SNX30: variants seen among roughly 807,000 people sequenced by gnomAD.
SNX30 encodes sorting nexin-30.
Under a neutral mutation model 46.4 loss-of-function variants are expected in SNX30, and 24 were observed. The observed-to-expected ratio is 0.52, with a 90% confidence interval of 0.37 to 0.73. The LOEUF (loss-of-function observed/expected upper bound fraction) is 0.73, where lower values mean the gene tolerates loss of function less well. Ranked by LOEUF, SNX30 falls within the 30% of genes least tolerant of loss-of-function variation. The pLI is 0.00. For missense variants in SNX30, 533 were observed against 555.7 expected (o/e 0.96, Z 0.41); for synonymous variants, 189 against 211.5 (o/e 0.89, Z 0.92).
intron 1 of SNX30, among the ~76,000 whole-genome samples, chr9:112,790,096 G>A (rs916892026): frequency 1.3e-5 from 2 of 152,150 alleles, no homozygotes; most frequent in African/African-American, 4.8e-5. Context: ...ATTTGAGATG[G>A]GAATTCCTGG....
chr9:112,769,982 A>C (rs1471832162), intron 1 of SNX30, among the ~76,000 whole-genome samples: 3 of 151,376 alleles, frequency 2.0e-5, no homozygotes, highest in African/African-American at 7.3e-5. Flanking sequence ...ATCACTTCTC[A>C]CTCTCTCCAC....
chr9:112,838,220 A>G (rs1418157690), intron 5 of SNX30, among the ~76,000 whole-genome samples: 2 of 152,132 alleles, frequency 1.3e-5, no homozygotes, highest in Admixed American at 6.5e-5. Context: ...TGTTTGGTGG[A>G]TGTGGCTGCT....
downstream of SNX30, among the ~76,000 whole-genome samples, chr9:112,876,166 A>G (rs1253990197): frequency 1.3e-5 from 2 of 152,166 alleles, no homozygotes; most frequent in African/African-American, 4.8e-5. Flanking sequence ...ATGGGGAGGA[A>G]TAAATTCCAA....
intron 1 of SNX30, among the ~76,000 whole-genome samples, chr9:112,780,753 T>C (rs1351130937): frequency 6.6e-6 from 1 of 152,208 alleles, no homozygotes; most frequent in African/African-American, 2.4e-5. Flanking sequence ...TTGAATTTCA[T>C]AGTAAGATGA....
At chr9:112,828,964 G>A (rs780653056) in intron 3 of SNX30, among the ~76,000 whole-genome samples, 7 of 152,110 alleles carry the variant, frequency 4.6e-5, no homozygotes, top group Admixed American at 1.3e-4. Context: ...GTCTGTCTCT[G>A]TGGGTTTGCC....
At chr9:112,825,211 GTA>G (rs1230679898) in intron 3 of SNX30, among the ~76,000 whole-genome samples, 2 of 152,216 alleles carry the variant, frequency 1.3e-5, no homozygotes, top group Non-Finnish European at 1.5e-5. Context: ...CACTAGAAAT[GTA>G]TGAGGGCCCA....
At chr9:112,770,409 G>A (rs527596026) in intron 1 of SNX30, among the ~76,000 whole-genome samples, 262 of 151,980 alleles carry the variant, frequency 1.7e-3, no homozygotes, top group Non-Finnish European at 3.1e-3. Flanking sequence ...CCGACCTTGT[G>A]ATCTGCCCAC....
intron 8 of SNX30, among the ~76,000 whole-genome samples, chr9:112,865,005 C>A (rs58643876): frequency 0.85 from 122,633 of 144,518 alleles, 51,213 homozygotes; most frequent in Non-Finnish European, 0.9. Flanking sequence ...ACACACACAC[C>A]CACACACCCC....
intron 1 of SNX30, among the ~76,000 whole-genome samples, chr9:112,769,198 G>A (rs1044431817): frequency 3.3e-5 from 5 of 152,134 alleles, no homozygotes; most frequent in Non-Finnish European, 7.4e-5. Flanking sequence ...TCTGTCCTGC[G>A]GATAAACTAG....
chr9:112,772,758 C>T (rs1839672550), intron 1 of SNX30, among the ~76,000 whole-genome samples: 1 of 152,170 alleles, frequency 6.6e-6, no homozygotes, highest in African/African-American at 2.4e-5. Context: ...TTCACATAAA[C>T]CAGTTTTGTT....
chr9:112,866,690 A>ATTC (rs1841349268), intron 8 of SNX30, among the ~76,000 whole-genome samples: 1 of 151,516 alleles, frequency 6.6e-6, no homozygotes, highest in Non-Finnish European at 1.5e-5. Context: ...CCTCCTCAGA[A>ATTC]CTTCTCCCAC....
chr9:112,881,741 C>T (rs1841580286), downstream of SNX30: 1 of 152,252 alleles, frequency 6.6e-6, no homozygotes, highest in Non-Finnish European at 1.5e-5. Flanking sequence ...GCCATGGTCT[C>T]TGCCCTCAGG....
intron 1 of SNX30, among the ~76,000 whole-genome samples, chr9:112,767,519 A>G (rs1014944253): frequency 3.3e-5 from 5 of 151,180 alleles, no homozygotes; most frequent in Admixed American, 6.6e-5. Context: ...CTTTTCCCCT[A>G]TGTTTTTTTT....
At chr9:112,857,096 C>T (rs1354892778) in intron 7 of SNX30, among the ~76,000 whole-genome samples, 3 of 152,196 alleles carry the variant, frequency 2.0e-5, no homozygotes, top group East Asian at 1.9e-4. Context: ...CTGCCTTTCC[C>T]GAGGCAGGCA....
intron 1 of SNX30, among the ~76,000 whole-genome samples, chr9:112,765,330 G>A (rs1328267006): frequency 2.0e-5 from 3 of 152,192 alleles, no homozygotes; most frequent in Non-Finnish European, 2.9e-5. Flanking sequence ...CCCTTTTAAA[G>A]CATACATTTT....
Position 112,751,078 on chromosome 9 carries a change from G to T in SNX30, c.77G>T (p.Gly26Val). The change falls in exon 1 of 9, where the codon GGC becomes GTC. Residue 26 changes from glycine (G) to valine (V), a missense_variant. Physicochemically the swap from Gly to Val is moderately radical, Grantham distance 109. Coordinates refer to ENST00000374232, the MANE Select transcript of SNX30 (RefSeq NM_001012994.2). ...CGCGACATGCCGCACCCGCTGGCCG[G>T]CTCCAGCAGCGAGGAGGCCGTGGGT... ...SLRDMPHPLA[G>V]SSSEEAVGGD... The T allele has an allele frequency of 6.6e-7, 1 of 1,507,502 alleles. No individual in the cohort carries two copies. Among genetic ancestry groups the T allele is most frequent in the Admixed American group, 2.1e-5 (1 of 47,068 alleles). 93.4% of individuals were successfully genotyped at this position (1,507,502 alleles called of 1,614,324 possible).
At chr9:112,859,299 T>TACAC (rs1217181299) in intron 7 of SNX30, among the ~76,000 whole-genome samples, 1 of 152,212 alleles carries the variant, frequency 6.6e-6, no homozygotes, top group Non-Finnish European at 1.5e-5. Context: ...ATATGGGACA[T>TACAC]ACACACACAT....
At position 112,848,367 on chromosome 9, in the gene SNX30, A is replaced by G. The variant is rs547829520; in HGVS notation, c.1015-2492A>G. Among the ~76,000 whole-genome samples, 63 of 152,184 alleles carry G rather than the reference A, an allele frequency of 4.1e-4. 1 individual carries two copies. Among genetic ancestry groups the G allele is most frequent in the Non-Finnish European group, 6.9e-4 (47 of 67,996 alleles). On this transcript the variant is annotated intron_variant, in intron 6 of 8. Coordinates refer to ENST00000374232, the MANE Select transcript of SNX30 (RefSeq NM_001012994.2). ...ATCCTCTCAGAACATCACCAACAGC[A>G]TGCAAAGGTGTCCCAATGAGGGTGG...
chr9:112,879,015 T>G (rs912420003), downstream of SNX30: 12 of 152,252 alleles, frequency 7.9e-5, no homozygotes, highest in Non-Finnish European at 1.6e-4. Context: ...TAGCTCTTAA[T>G]GTACCTCCTC....
Sources: gnomAD v4.1 joint callset for allele counts (sites outside exome capture counted in the v4.1 genomes callset) on GRCh38, gnomAD v4.1.1 for gene constraint, MANE v1.5 for transcripts, NCBI Gene and HGNC (gene_info 2026-07-23, HGNC 2026-07-21) for gene names.